TMEM232: variants seen among roughly 807,000 people sequenced by gnomAD.
The protein encoded by TMEM232 is transmembrane protein 232.
Under a neutral mutation model 78.8 loss-of-function variants are expected in TMEM232, and 80 were observed. That is an observed-to-expected ratio of 1.01 (90% CI 0.85 to 1.22). TMEM232 has a LOEUF of 1.22. Among genes scored for constraint, TMEM232 ranks in the 50% most tolerant of loss-of-function variants. The pLI, the probability that TMEM232 is intolerant of heterozygous loss-of-function variation, is 0.00. For missense variants in TMEM232, 881 were observed against 742.2 expected, an observed-to-expected ratio of 1.19 and a Z score of -2.17; for synonymous variants, 297 against 254.3, an observed-to-expected ratio of 1.17 and a Z score of -1.60.
At chr5:110,412,243 G>A (rs1430502095) in intron 2 of TMEM232, among the ~76,000 whole-genome samples, 1 of 152,202 alleles carries the variant, frequency 6.6e-6, no homozygotes, top group Non-Finnish European at 1.5e-5. Flanking sequence ...CGAAGGCTTT[G>A]TTTTATCCAG....
chr5:110,516,195 C>T (rs1305878486), intron 12 of TMEM232, among the ~76,000 whole-genome samples: 3 of 152,086 alleles, frequency 2.0e-5, no homozygotes, highest in African/African-American at 4.8e-5. Context: ...GCCGAGATCG[C>T]GCCACTGCAC....
intron 2 of TMEM232, among the ~76,000 whole-genome samples, chr5:110,408,743 C>A (rs1312064410): frequency 6.6e-6 from 1 of 152,022 alleles, no homozygotes; most frequent in Non-Finnish European, 1.5e-5. Flanking sequence ...AAGGAGACAA[C>A]AACCGAGAAC....
chr5:110,525,568 C>T (rs1057377367), intron 12 of TMEM232, among the ~76,000 whole-genome samples: 15 of 151,726 alleles, frequency 9.9e-5, no homozygotes. Context: ...GAAATACATG[C>T]CATATTGTTA....
chr5:110,528,749 A>T lies in TMEM232; in HGVS notation c.1542T>A (p.Tyr514Ter). The change falls in exon 12 of 14, where the codon TAT becomes TAA. Residue 514 changes from tyrosine (Y) to a stop codon, truncating the protein, a stop_gained. Coordinates refer to ENST00000455884, the MANE Select transcript of TMEM232 (RefSeq NM_001039763.4). LOFTEE classifies it high-confidence loss of function. ...SNVGEEVFSK[Y>*]IGWRIANTLS... ...GAGTGTTGGCAATTCTCCACCCAAT[A>T]TATTTGGAGAAAACTTCTTCTCCTA... 1 of 1,534,276 alleles carries T rather than the reference A, an allele frequency of 6.5e-7. No individual in the cohort carries two copies. The highest frequency in any genetic ancestry group is 1.4e-5 in the African/African-American group (1 of 73,032).
At chr5:110,646,879 T>A (rs1051487602) in intron 2 of TMEM232, among the ~76,000 whole-genome samples, 4 of 151,576 alleles carry the variant, frequency 2.6e-5, no homozygotes, top group African/African-American at 9.7e-5. Context: ...ACAGAGGACC[T>A]GAATCGATAT....
intron 1 of TMEM232, among the ~76,000 whole-genome samples, chr5:110,675,490 T>A (rs1252532043): frequency 6.6e-6 from 1 of 152,030 alleles, no homozygotes; most frequent in East Asian, 1.9e-4. Flanking sequence ...AAAGACGAAA[T>A]TAAAACAAAA....
intron 1 of TMEM232, among the ~76,000 whole-genome samples, chr5:110,723,950 C>G (rs557727518): frequency 6.6e-6 from 1 of 152,198 alleles, no homozygotes; most frequent in South Asian, 2.1e-4. Context: ...AAGATGAAAA[C>G]CACATACAAA....
intron 11 of TMEM232, among the ~76,000 whole-genome samples, chr5:110,558,710 C>T (rs1775404866): frequency 6.6e-6 from 1 of 152,158 alleles, no homozygotes. Flanking sequence ...ATGGGCATCC[C>T]TGGCCATTTT....
At chr5:110,499,424 T>C (rs1280833054) in intron 12 of TMEM232, among the ~76,000 whole-genome samples, 2 of 152,076 alleles carry the variant, frequency 1.3e-5, no homozygotes, top group African/African-American at 4.8e-5. Context: ...GCTAATCTTT[T>C]AAAAATTTTA....
intron 12 of TMEM232, among the ~76,000 whole-genome samples, chr5:110,432,663 C>A (rs569055774): frequency 6.6e-6 from 1 of 151,774 alleles, no homozygotes; most frequent in African/African-American, 2.4e-5. Flanking sequence ...CCTAAATGCT[C>A]CACTTACAAG....
chr5:110,591,952 C>G (rs891409232), intron 10 of TMEM232, among the ~76,000 whole-genome samples: 1 of 152,072 alleles, frequency 6.6e-6, no homozygotes, highest in Non-Finnish European at 1.5e-5. Context: ...CTTTGGAACC[C>G]TCCATTTTCT....
At chr5:110,462,519 C>T (rs905581793) in intron 12 of TMEM232, among the ~76,000 whole-genome samples, 4 of 152,186 alleles carry the variant, frequency 2.6e-5, no homozygotes, top group Admixed American at 6.5e-5. Context: ...TCCTTTCTCC[C>T]GTGCTGGATG....
chr5:110,534,098 C>G (rs193197070), intron 11 of TMEM232, among the ~76,000 whole-genome samples: 4 of 152,236 alleles, frequency 2.6e-5, no homozygotes, highest in Admixed American at 2.6e-4. Flanking sequence ...ACTAAAATAC[C>G]TCTTAGTCTA....
At chr5:110,685,200 T>A (rs954583929) in intron 1 of TMEM232, among the ~76,000 whole-genome samples, 31 of 152,286 alleles carry the variant, frequency 2.0e-4, no homozygotes, top group African/African-American at 7.5e-4. Flanking sequence ...TAAAAACTTA[T>A]GATGTGCAAG....
intron 12 of TMEM232, among the ~76,000 whole-genome samples, chr5:110,504,452 C>T (rs1375459889): frequency 6.6e-6 from 1 of 152,052 alleles, no homozygotes; most frequent in Non-Finnish European, 1.5e-5. Flanking sequence ...ACAAAACCAA[C>T]AGGATATGAG....
intron 2 of TMEM232, among the ~76,000 whole-genome samples, chr5:110,409,195 T>A (rs1297196602): frequency 6.6e-6 from 1 of 152,214 alleles, no homozygotes; most frequent in East Asian, 1.9e-4. Flanking sequence ...TTCATTAATA[T>A]CCCATTTATG....
rs1041159027 is a variant in TMEM232, at chr5:110,528,629, C to T, written c.1662G>A (p.Lys554=). The T allele has an allele frequency of 2.0e-6, 3 of 1,532,880 alleles. No homozygotes were observed. Among genetic ancestry groups the T allele is most frequent in the Admixed American group, 2.0e-5 (1 of 50,652 alleles). 95.0% of individuals were successfully genotyped at this position (1,532,880 alleles called of 1,614,324 possible). The change falls in exon 12 of 14, where the codon AAG becomes AAA. Residue 554 remains lysine, a synonymous_variant. Transcript: ENST00000455884. ...GAACTTGCTTTTTCACAGACTCCAGCTTTTTATTTGGATATTTTGTTTGAT... is the reference window on the plus strand; with the variant it reads ...GAACTTGCTTTTTCACAGACTCCAGTTTTTTATTTGGATATTTTGTTTGAT... ...KKDQTKYPNK[K]LESVKKQVLH... is the part of the protein sequence containing the mutation.
intron 1 of TMEM232, among the ~76,000 whole-genome samples, chr5:110,726,009 T>C (rs527645970): frequency 1.3e-5 from 2 of 152,106 alleles, no homozygotes; most frequent in Admixed American, 1.3e-4. Flanking sequence ...TATCCCCTCC[T>C]AGAAATTTTT....
chr5:110,411,848 G>A (rs1248197668), intron 2 of TMEM232, among the ~76,000 whole-genome samples: 5 of 152,074 alleles, frequency 3.3e-5, no homozygotes, highest in African/African-American at 1.2e-4. Flanking sequence ...GGGACACTTG[G>A]GTTGCTTCTA....
Sources: gnomAD v4.1 joint callset for allele counts (sites outside exome capture counted in the v4.1 genomes callset) on GRCh38, gnomAD v4.1.1 for gene constraint, MANE v1.5 for transcripts, NCBI Gene and HGNC (gene_info 2026-07-23, HGNC 2026-07-21) for gene names.